Variants in MACROD2 observed in about 807,000 individuals in gnomAD.
MACROD2 encodes the protein ADP-ribose glycohydrolase MACROD2.
In MACROD2, 36 loss-of-function variants were observed where a neutral mutation model predicts 70.4. The observed-to-expected ratio is 0.51, with a 90% CI of 0.39 to 0.68. MACROD2 has a LOEUF of 0.68. Ranked by LOEUF, MACROD2 falls within the 30% of genes least tolerant of loss-of-function variation. The pLI, the probability that MACROD2 is intolerant of heterozygous loss-of-function variation, is 0.00. For missense variants in MACROD2, 496 were observed against 538.4 expected (o/e 0.92, Z 0.78); for synonymous variants, 172 against 178.8 (o/e 0.96, Z 0.30).
chr20:14,805,079 G>A lies in MACROD2; in HGVS notation c.418+120120G>A, dbSNP rs149568968. On this transcript the variant is annotated intron_variant, in intron 5 of 17. Transcript: ENST00000684519. ...GGATCCTCTAATATTTTGTGTGCAT[G>A]CATATATGCCTTTTTAGGGGAGAGA... 2.1e-4 allele frequency among the ~76,000 whole-genome samples: 32 copies of A among 152,122 alleles called. No homozygotes were observed. The East Asian group carries it at 3.9e-3, about 18-fold the overall frequency.
chr20:14,215,495 T>G (rs1308212452), intron 3 of MACROD2, among the ~76,000 whole-genome samples: 1 of 152,100 alleles, frequency 6.6e-6, no homozygotes, highest in African/African-American at 2.4e-5. Flanking sequence ...TTTCGAATAA[T>G]GACTTATTTT....
intron 12 of MACROD2, among the ~76,000 whole-genome samples, chr20:15,947,065 C>T (rs552417317): frequency 5.9e-5 from 9 of 152,322 alleles, no homozygotes; most frequent in South Asian, 2.1e-4. Flanking sequence ...TTGCTGCCAA[C>T]GTGTCTCGAC....
intron 8 of MACROD2, among the ~76,000 whole-genome samples, chr20:15,670,400 C>T (rs1248705705): frequency 2.0e-5 from 3 of 152,166 alleles, no homozygotes; most frequent in African/African-American, 4.8e-5. Context: ...CCTGATGCAA[C>T]ACGAACTTCT....
intron 8 of MACROD2, among the ~76,000 whole-genome samples, chr20:15,799,084 C>T (rs912376358): frequency 1.2e-4 from 19 of 152,296 alleles, no homozygotes; most frequent in African/African-American, 3.9e-4. Context: ...ACCAACTCTT[C>T]TCTTCAAAGA....
intron 2 of MACROD2, among the ~76,000 whole-genome samples, chr20:14,019,516 G>A (rs1344560437): frequency 2.6e-5 from 4 of 152,052 alleles, no homozygotes; most frequent in Non-Finnish European, 4.4e-5. Flanking sequence ...TTTGTGATCC[G>A]CCCACCTCAG....
chr20:14,820,568 T>C (rs1176103381), intron 5 of MACROD2, among the ~76,000 whole-genome samples: 4 of 152,070 alleles, frequency 2.6e-5, no homozygotes, highest in African/African-American at 9.7e-5. Flanking sequence ...TGAGCTTCCC[T>C]ACAATATCTT....
intron 5 of MACROD2, among the ~76,000 whole-genome samples, chr20:14,879,345 C>G (rs1399656067): frequency 6.6e-6 from 1 of 152,100 alleles, no homozygotes; most frequent in Non-Finnish European, 1.5e-5. Flanking sequence ...AGTATTCTTC[C>G]AAGTTAGCAT....
At chr20:15,356,513 TG>T (rs2078288872) in intron 6 of MACROD2, among the ~76,000 whole-genome samples, 1 of 152,138 alleles carries the variant, frequency 6.6e-6, no homozygotes, top group Admixed American at 6.5e-5. Flanking sequence ...CCAGGTGTGA[TG>T]GCTCATGTCC....
intron 6 of MACROD2, among the ~76,000 whole-genome samples, chr20:15,369,496 T>G (rs2045460881): frequency 6.6e-6 from 1 of 152,194 alleles, no homozygotes; most frequent in African/African-American, 2.4e-5. Flanking sequence ...TGTTATGTTT[T>G]ATCTCAACAA....
At chr20:14,553,076 T>C (rs953440860) in intron 4 of MACROD2, among the ~76,000 whole-genome samples, 4 of 152,036 alleles carry the variant, frequency 2.6e-5, no homozygotes, top group African/African-American at 9.6e-5. Context: ...TTTTACTATT[T>C]TGTAATAATA....
intron 8 of MACROD2, among the ~76,000 whole-genome samples, chr20:15,620,192 T>G (rs2049105268): frequency 6.6e-6 from 1 of 152,146 alleles, no homozygotes; most frequent in Non-Finnish European, 1.5e-5. Context: ...TTTCCAAGCT[T>G]GTGAAACTAA....
intron 5 of MACROD2, among the ~76,000 whole-genome samples, chr20:15,166,954 ATTAT>A (rs948315079): frequency 2.7e-5 from 4 of 150,346 alleles, no homozygotes; most frequent in East Asian, 2.0e-4. Context: ...TAAGTATTAA[ATTAT>A]TTAAGTATTA....
chr20:15,667,109 A>C (rs1275111931), intron 8 of MACROD2, among the ~76,000 whole-genome samples: 1 of 152,046 alleles, frequency 6.6e-6, no homozygotes, highest in Admixed American at 6.6e-5. Flanking sequence ...GTAATCCCCA[A>C]AGCTGGAGGT....
intron 5 of MACROD2, among the ~76,000 whole-genome samples, chr20:15,157,223 T>A (rs2076312796): frequency 6.6e-6 from 1 of 152,152 alleles, no homozygotes. Flanking sequence ...TCTCTGGAAT[T>A]GGAGACAGCC....
chr20:15,757,444 C>T (rs2051364256), intron 8 of MACROD2, among the ~76,000 whole-genome samples: 1 of 152,018 alleles, frequency 6.6e-6, no homozygotes, highest in Non-Finnish European at 1.5e-5. Context: ...GGCAATAATA[C>T]TGCCCTATAT....
intron 8 of MACROD2, among the ~76,000 whole-genome samples, chr20:15,819,545 A>C (rs932456577): frequency 6.7e-6 from 1 of 149,106 alleles, no homozygotes; most frequent in African/African-American, 2.5e-5. Flanking sequence ...GTACATAAAC[A>C]TATATATAAA....
At chr20:15,301,329 G>A (rs2077640299) in intron 6 of MACROD2, among the ~76,000 whole-genome samples, 1 of 152,192 alleles carries the variant, frequency 6.6e-6, no homozygotes, top group Non-Finnish European at 1.5e-5. Flanking sequence ...AGGCCTCAGA[G>A]GAGGAATGAG....
intron 3 of MACROD2, among the ~76,000 whole-genome samples, chr20:14,206,591 A>G (rs1255730655): frequency 6.7e-6 from 1 of 149,136 alleles, no homozygotes; most frequent in African/African-American, 2.5e-5. Context: ...GTTGTTTGAT[A>G]TGTTTGTTAA....
At chr20:14,360,288 C>T (rs551053585) in intron 3 of MACROD2, among the ~76,000 whole-genome samples, 4 of 152,154 alleles carry the variant, frequency 2.6e-5, no homozygotes, top group Admixed American at 6.5e-5. Flanking sequence ...CCACAATCAG[C>T]GTGTGAGGTA....
Sources: gnomAD v4.1 joint callset for allele counts (sites outside exome capture counted in the v4.1 genomes callset) on GRCh38, gnomAD v4.1.1 for gene constraint, MANE v1.5 for transcripts, NCBI Gene and HGNC (gene_info 2026-07-23, HGNC 2026-07-21) for gene names.